Variants in NR2F1-AS1 observed in about 807,000 individuals in gnomAD.
NR2F1-AS1 encodes NR2F1 regulatory antisense RNA 1.
intron 4 of NR2F1-AS1, among the ~76,000 whole-genome samples, chr5:93,450,978 T>TAA (rs1328466281): frequency 6.6e-6 from 1 of 150,910 alleles, no homozygotes; most frequent in Non-Finnish European, 1.5e-5. Context: ...TCAAACTTAT[T>TAA]TAACACTGAA....
chr5:93,439,305 CT>C (rs1236506990), intron 4 of NR2F1-AS1, among the ~76,000 whole-genome samples: 1 of 151,968 alleles, frequency 6.6e-6, no homozygotes, highest in East Asian at 1.9e-4. Flanking sequence ...AGGCTTTTTT[CT>C]TTTTTTTGAG....
chr5:93,499,329 T>G (rs1011751806), intron 4 of NR2F1-AS1, among the ~76,000 whole-genome samples: 1 of 152,174 alleles, frequency 6.6e-6, no homozygotes, highest in Non-Finnish European at 1.5e-5. Context: ...AACTGAAGAT[T>G]TGTGGCAACC....
chr5:93,574,400 T>C (rs1752846929), intron 1 of NR2F1-AS1, among the ~76,000 whole-genome samples: 1 of 152,136 alleles, frequency 6.6e-6, no homozygotes, highest in Non-Finnish European at 1.5e-5. Context: ...AAATTAGAAA[T>C]TGTCACCACA....
chr5:93,542,278 T>G (rs529644527), intron 4 of NR2F1-AS1: 2 of 151,980 alleles, frequency 1.3e-5, no homozygotes, highest in African/African-American at 2.4e-5. Flanking sequence ...TATTAAGACC[T>G]AAAAATTTTT....
At chr5:93,569,059 C>T (rs1190507867) in intron 1 of NR2F1-AS1, among the ~76,000 whole-genome samples, 1 of 152,132 alleles carries the variant, frequency 6.6e-6, no homozygotes, top group Non-Finnish European at 1.5e-5. Flanking sequence ...AAAGCAATGA[C>T]TTTCTCCCAG....
At chr5:93,540,484 T>C in intron 4 of NR2F1-AS1, among the ~76,000 whole-genome samples, 1 of 152,220 alleles carries the variant, frequency 6.6e-6, no homozygotes, top group Non-Finnish European at 1.5e-5. Flanking sequence ...CTCAAGGGGC[T>C]ATTCTCATGG....
chr5:93,470,065 C>T (rs1480843307), intron 4 of NR2F1-AS1, among the ~76,000 whole-genome samples: 1 of 151,856 alleles, frequency 6.6e-6, no homozygotes. Context: ...TAACTCATAG[C>T]CACAAAAGGT....
rs561420726 is a variant in NR2F1-AS1, at chr5:93,461,578, A to G, written n.639-66036T>C. ...ACTGAGTTACAAAAAAAATAAGAAAAAGTATAATCCTTGAACATCTGATGT... is the reference window on the plus strand; with the variant it reads ...ACTGAGTTACAAAAAAAATAAGAAAGAGTATAATCCTTGAACATCTGATGT... On this transcript the variant is annotated intron_variant and non_coding_transcript_variant, in intron 4 of 5. Coordinates refer to ENST00000660523, the Ensembl canonical transcript of NR2F1-AS1. Among the ~76,000 whole-genome samples the G allele has an allele frequency of 3.3e-5, 5 of 152,316 alleles. No homozygotes were observed. In the East Asian group the frequency reaches 9.6e-4, roughly 29 times the overall value.
At chr5:93,479,642 A>G (rs1351026466) in intron 4 of NR2F1-AS1, among the ~76,000 whole-genome samples, 1 of 151,776 alleles carries the variant, frequency 6.6e-6, no homozygotes, top group Non-Finnish European at 1.5e-5. Context: ...CAAAAAATAG[A>G]AAGTATGACC....
intron 4 of NR2F1-AS1, among the ~76,000 whole-genome samples, chr5:93,478,631 T>C (rs1413696704): frequency 6.6e-6 from 1 of 152,158 alleles, no homozygotes; most frequent in Admixed American, 6.5e-5. Context: ...CTCAAACTCC[T>C]GACCTTGTGA....
At chr5:93,584,866 G>T, upstream of NR2F1-AS1, 1 of 160,548 alleles carries the variant, frequency 6.2e-6, no homozygotes, top group Non-Finnish European at 1.3e-5. Flanking sequence ...CCGGTGTCCG[G>T]CTCGGGCTCG....
chr5:93,528,452 G>C (rs944654790), intron 4 of NR2F1-AS1, among the ~76,000 whole-genome samples: 7 of 152,228 alleles, frequency 4.6e-5, no homozygotes, highest in Admixed American at 3.9e-4. Flanking sequence ...ACTGTTGGTA[G>C]AGTATAAATT....
chr5:93,491,343 G>A (rs1350692681), intron 4 of NR2F1-AS1, among the ~76,000 whole-genome samples: 2 of 148,212 alleles, frequency 1.3e-5, no homozygotes, highest in African/African-American at 2.5e-5. Context: ...GATGAAGGTT[G>A]TGGTTATGGT....
intron 4 of NR2F1-AS1, among the ~76,000 whole-genome samples, chr5:93,514,538 G>C (rs972617892): frequency 3.3e-5 from 5 of 152,106 alleles, no homozygotes; most frequent in Non-Finnish European, 7.4e-5. Flanking sequence ...GAGAAAGACT[G>C]AGAGTATGTA....
intron 4 of NR2F1-AS1, among the ~76,000 whole-genome samples, chr5:93,498,238 T>C (rs1751006426): frequency 6.6e-6 from 1 of 151,986 alleles, no homozygotes; most frequent in African/African-American, 2.4e-5. Context: ...AATAATAATA[T>C]ATTTTGGGAG....
At chr5:93,489,645 T>G (rs1363175508) in intron 4 of NR2F1-AS1, among the ~76,000 whole-genome samples, 1 of 152,126 alleles carries the variant, frequency 6.6e-6, no homozygotes, top group African/African-American at 2.4e-5. Flanking sequence ...TGAGACAGCC[T>G]AATTTAATAA....
chr5:93,414,948 G>T (rs940718044), intron 4 of NR2F1-AS1, among the ~76,000 whole-genome samples: 3 of 152,048 alleles, frequency 2.0e-5, no homozygotes, highest in Non-Finnish European at 2.9e-5. Context: ...TCCAAGGAAT[G>T]CCCTTAAAGA....
chr5:93,480,934 G>A (rs1344848924), intron 4 of NR2F1-AS1, among the ~76,000 whole-genome samples: 1 of 151,928 alleles, frequency 6.6e-6, no homozygotes, highest in Admixed American at 6.5e-5. Context: ...AAACACAAAG[G>A]AGGCAATATT....
chr5:93,446,767 A>T (rs1221086364), intron 4 of NR2F1-AS1, among the ~76,000 whole-genome samples: 1 of 152,212 alleles, frequency 6.6e-6, no homozygotes, highest in African/African-American at 2.4e-5. Flanking sequence ...CCAAAAGAAC[A>T]AAGCTGGAGA....
Sources: gnomAD v4.1 joint callset for allele counts (sites outside exome capture counted in the v4.1 genomes callset) on GRCh38, gnomAD v4.1.1 for gene constraint, MANE v1.5 for transcripts, NCBI Gene and HGNC (gene_info 2026-07-23, HGNC 2026-07-21) for gene names.